CREB5: variants seen among roughly 807,000 people sequenced by gnomAD.
The protein encoded by CREB5 is cyclic AMP-responsive element-binding protein 5.
Under a neutral mutation model 57.1 loss-of-function variants are expected in CREB5, and 19 were observed. The ratio of observed to expected loss-of-function variants is 0.33; its 90% CI spans 0.23 to 0.49. The LOEUF is 0.49. Among genes scored for constraint, CREB5 ranks in the 20% least tolerant of loss-of-function variants. The probability of loss-of-function intolerance (pLI) is 0.99; values close to 1 mark genes in which losing one functional copy is unlikely to be tolerated. For synonymous variants in CREB5, 238 were observed against 238.3 expected (o/e 1.00, Z 0.01); for missense variants, 579 against 671.6 (o/e 0.86, Z 1.52).
chr7:28,618,912 A>G (rs1360036175), intron 5 of CREB5, among the ~76,000 whole-genome samples: 1 of 152,240 alleles, frequency 6.6e-6, no homozygotes, highest in Admixed American at 6.5e-5. Flanking sequence ...AACAGCAGGC[A>G]TTTGTTACAT....
intron 5 of CREB5, among the ~76,000 whole-genome samples, chr7:28,644,395 T>C (rs1437821580): frequency 6.6e-6 from 1 of 152,120 alleles, no homozygotes; most frequent in Non-Finnish European, 1.5e-5. Flanking sequence ...CCAGTGGGAA[T>C]TTCAGATTAT....
intron 5 of CREB5, among the ~76,000 whole-genome samples, chr7:28,667,720 C>T (rs2128717286): frequency 6.6e-6 from 1 of 152,192 alleles, no homozygotes; most frequent in Middle Eastern, 3.4e-3. Context: ...TTTTTCTATA[C>T]AACCATTTTT....
intron 4 of CREB5, among the ~76,000 whole-genome samples, chr7:28,560,457 G>A (rs1795038832): frequency 6.6e-6 from 1 of 152,034 alleles, no homozygotes; most frequent in Non-Finnish European, 1.5e-5. Context: ...AGTAGCATTA[G>A]GAAAGTGCTG....
intron 4 of CREB5, among the ~76,000 whole-genome samples, chr7:28,529,410 A>T (rs1391991828): frequency 1.3e-5 from 2 of 152,174 alleles, no homozygotes; most frequent in Admixed American, 1.3e-4. Flanking sequence ...AGACGAGAGA[A>T]AGAAAATCAC....
chr7:28,488,472 G>A (rs1442026644), intron 2 of CREB5, among the ~76,000 whole-genome samples: 1 of 152,200 alleles, frequency 6.6e-6, no homozygotes, highest in Non-Finnish European at 1.5e-5. Context: ...AAAGGTAGCA[G>A]TGTTAGGCAT....
intron 5 of CREB5, among the ~76,000 whole-genome samples, chr7:28,644,572 G>C (rs1798817104): frequency 6.9e-6 from 1 of 144,452 alleles, no homozygotes; most frequent in African/African-American, 2.9e-5. Context: ...GTGGAGTGGG[G>C]TGAAGGTCAA....
At chr7:28,578,397 G>T (rs1445447803) in intron 5 of CREB5, among the ~76,000 whole-genome samples, 1 of 152,148 alleles carries the variant, frequency 6.6e-6, no homozygotes, top group Non-Finnish European at 1.5e-5. Flanking sequence ...ATATCAAAAA[G>T]AGAATTAACA....
intron 4 of CREB5, among the ~76,000 whole-genome samples, chr7:28,509,727 AAAGG>A (rs779608957): frequency 4.6e-4 from 70 of 152,230 alleles, no homozygotes; most frequent in Admixed American, 2.4e-3. Flanking sequence ...CAAAGTAAGA[AAAGG>A]AACTATTGCA....
intron 5 of CREB5, among the ~76,000 whole-genome samples, chr7:28,682,866 G>A (rs1299735186): frequency 6.6e-6 from 1 of 152,188 alleles, no homozygotes; most frequent in East Asian, 1.9e-4. Flanking sequence ...TGGGTTATTT[G>A]GAAAGAGTCC....
At chr7:28,761,208 G>A (rs1288418446) in intron 7 of CREB5, among the ~76,000 whole-genome samples, 2 of 152,204 alleles carry the variant, frequency 1.3e-5, no homozygotes, top group African/African-American at 4.8e-5. Context: ...ATGATCCCAA[G>A]TTTAAGGGGA....
chr7:28,560,929 C>T lies in CREB5; in HGVS notation c.292-9436C>T, dbSNP rs1445990060. 1.4e-3 allele frequency among the ~76,000 whole-genome samples: 44 copies of T among 30,426 alleles called. 3 individuals carry two copies. The highest frequency in any genetic ancestry group is 0.031 in the Middle Eastern group (1 of 32). The allele number at this position is 30,426 out of a possible 152,430, so 20.0% of individuals were successfully genotyped here. ...GCGTGCGTGTGCGTGTGTGCGCGTG[C>T]GTGTGTGCGTGCGTGTGTGTGCGTG... On this transcript the variant is annotated intron_variant, in intron 4 of 10. Coordinates refer to ENST00000357727, the MANE Select transcript of CREB5 (RefSeq NM_182898.4).
intron 7 of CREB5, among the ~76,000 whole-genome samples, chr7:28,754,814 C>G (rs989999744): frequency 1.3e-5 from 2 of 152,148 alleles, no homozygotes; most frequent in African/African-American, 4.8e-5. Context: ...CAGCATCAAG[C>G]AGCATCCAAT....
chr7:28,720,044 A>G (rs1466893763), intron 6 of CREB5, among the ~76,000 whole-genome samples: 1 of 152,254 alleles, frequency 6.6e-6, no homozygotes, highest in African/African-American at 2.4e-5. Flanking sequence ...TGGGTGACAG[A>G]GCGAGACTCC....
chr7:28,437,568 A>G (rs1170101892), intron 1 of CREB5, among the ~76,000 whole-genome samples: 1 of 152,162 alleles, frequency 6.6e-6, no homozygotes, highest in East Asian at 1.9e-4. Context: ...AGTGCCTATA[A>G]AAACCTAAGT....
intron 1 of CREB5, among the ~76,000 whole-genome samples, chr7:28,344,901 C>T (rs553651707): frequency 1.3e-5 from 2 of 152,056 alleles, no homozygotes; most frequent in Admixed American, 1.3e-4. Context: ...ACAAAGTCCA[C>T]GAGAGACACA....
intron 5 of CREB5, chr7:28,685,999 A>G: frequency 1.4e-6 from 1 of 731,706 alleles, no homozygotes; most frequent in Non-Finnish European, 2.3e-6. Flanking sequence ...AGTGAGCGAG[A>G]GCCCAGCCGG....
intron 1 of CREB5, among the ~76,000 whole-genome samples, chr7:28,480,558 G>A (rs896096923): frequency 6.6e-6 from 1 of 151,354 alleles, no homozygotes; most frequent in African/African-American, 2.4e-5. Context: ...AAGAGAGTTT[G>A]CCACCAGTCA....
chr7:28,739,387 G>A (rs1458903836), intron 7 of CREB5, among the ~76,000 whole-genome samples: 1 of 152,190 alleles, frequency 6.6e-6, no homozygotes, highest in Non-Finnish European at 1.5e-5. Context: ...AAAGGTGAGA[G>A]GGGAGGGGTT....
intron 1 of CREB5, among the ~76,000 whole-genome samples, chr7:28,474,333 G>T (rs540482806): frequency 3.3e-5 from 5 of 152,122 alleles, no homozygotes; most frequent in African/African-American, 4.8e-5. Flanking sequence ...GGTAACTATT[G>T]GTTTCAAATG....
Sources: allele counts gnomAD v4.1 joint callset (sites outside exome capture counted in the v4.1 genomes callset), GRCh38; gene constraint gnomAD v4.1.1; transcripts MANE v1.5; gene names NCBI Gene and HGNC (gene_info 2026-07-23, HGNC 2026-07-21).